Variants in UMODL1 observed in about 807,000 individuals in gnomAD.
The protein encoded by UMODL1 is uromodulin-like 1.
In UMODL1, 128 loss-of-function variants were observed where a neutral mutation model predicts 136.3. The observed-to-expected ratio is 0.94, with a 90% CI of 0.81 to 1.09. The LOEUF is 1.09. Ranked by LOEUF, UMODL1 falls within the 50% of genes least tolerant of loss-of-function variation. UMODL1 has a pLI of 0.00. For missense variants in UMODL1, 1,766 were observed against 1,725.6 expected, an observed-to-expected ratio of 1.02 and a Z score of -0.41; for synonymous variants, 721 against 720.0, an observed-to-expected ratio of 1.00 and a Z score of -0.02.
Position 42,113,786 on chromosome 21 carries a change from C to G in UMODL1, c.2318C>G (p.Ala773Gly). 2 of 1,614,004 alleles carry G rather than the reference C, an allele frequency of 1.2e-6. No homozygotes were observed. Among genetic ancestry groups the G allele is most frequent in the Non-Finnish European group, 1.7e-6 (2 of 1,180,012 alleles). ...VLHLVEIMAK[A>G]CGKEGARAHL... ...CACCTGGTTGAGATCATGGCCAAAG[C>G]ATGTGGGAAAGAAGGTGCCAGAGCT... The change falls in exon 13 of 23, where the codon GCA becomes GGA. Residue 773 changes from alanine to glycine, a missense_variant. Ala to Gly is a moderately conservative substitution (Grantham distance 60). Coordinates refer to ENST00000408910, the MANE Select transcript of UMODL1 (RefSeq NM_001004416.3).
At chr21:42,103,208 G>C (rs372413364) in intron 8 of UMODL1, 1 of 191,402 alleles carries the variant, frequency 5.2e-6, no homozygotes, top group African/African-American at 2.3e-5. Context: ...CAGTTAGTGC[G>C]TCTACTTGCA....
At chr21:42,134,424 C>T (rs966000978) in intron 21 of UMODL1, among the ~76,000 whole-genome samples, 1 of 152,104 alleles carries the variant, frequency 6.6e-6, no homozygotes, top group Non-Finnish European at 1.5e-5. Flanking sequence ...TGCTAAAAGG[C>T]CAAGAAATTT....
intron 6 of UMODL1, among the ~76,000 whole-genome samples, chr21:42,096,055 A>G (rs2066554126): frequency 6.6e-6 from 1 of 152,118 alleles, no homozygotes; most frequent in African/African-American, 2.4e-5. Context: ...TTAACTCATC[A>G]TTGTTCCCTC....
In UMODL1 at chr21:42,123,488, TG is replaced by T. The variant is rs1354601934; in HGVS notation, c.3147+339del. Among the ~76,000 whole-genome samples, 5 of 143,172 alleles carry T rather than the reference TG, an allele frequency of 3.5e-5. No homozygotes were observed. The highest frequency in any genetic ancestry group is 1.3e-4 in the African/African-American group (5 of 39,846). 93.9% of individuals were successfully genotyped at this position (143,172 alleles called of 152,430 possible). On this transcript the variant is annotated intron_variant, in intron 17 of 22. Transcript: ENST00000408910. The surrounding 1 kb of genome is among the most constrained non-coding windows in gnomAD (Gnocchi z 4.4). Reference sequence around the variant, plus strand: ...GTCCTGTGTGATATGAGAGTGTGTGTGTGTGAGTGTACGTGTGTGCATGTGT... The same window carrying T: ...GTCCTGTGTGATATGAGAGTGTGTGTTGTGAGTGTACGTGTGTGCATGTGT...
intron 4 of UMODL1, among the ~76,000 whole-genome samples, chr21:42,087,091 G>A (rs2066434724): frequency 6.6e-6 from 1 of 152,228 alleles, no homozygotes; most frequent in South Asian, 2.1e-4. Flanking sequence ...TGTGGGGCCT[G>A]AGATGTTGTG....
chr21:42,076,512 C>A (rs1471656043), intron 2 of UMODL1, among the ~76,000 whole-genome samples: 1 of 152,134 alleles, frequency 6.6e-6, no homozygotes, highest in Non-Finnish European at 1.5e-5. Context: ...CCCAGGGACC[C>A]CACTTTGAGA....
chr21:42,091,959 T>A (rs953548850), intron 6 of UMODL1, among the ~76,000 whole-genome samples: 1 of 152,184 alleles, frequency 6.6e-6, no homozygotes, highest in Non-Finnish European at 1.5e-5. Context: ...AGGCTGCAGA[T>A]GACCTGGGTA....
intron 2 of UMODL1, among the ~76,000 whole-genome samples, chr21:42,079,196 C>T (rs2066331257): frequency 6.6e-6 from 1 of 152,202 alleles, no homozygotes; most frequent in South Asian, 2.1e-4. Context: ...ACACCAGCCC[C>T]ACCCATGCCC....
chr21:42,090,458 A>G lies in UMODL1; in HGVS notation c.931+20A>G, dbSNP rs1275998063. ...GGGAAGGTAATGGCTAGGCTCTCTCAGATGGCATGGGAATGGCTTAATTCC... is the reference window on the plus strand; with the variant it reads ...GGGAAGGTAATGGCTAGGCTCTCTCGGATGGCATGGGAATGGCTTAATTCC... On this transcript the variant is annotated intron_variant, in intron 6 of 22. Transcript: ENST00000408910. The G allele has an allele frequency of 2.5e-6, 4 of 1,612,894 alleles. No individual in the cohort carries two copies. The African/African-American group carries it at 4.0e-5, about 16-fold the overall frequency.
intron 9 of UMODL1, chr21:42,108,322 C>A: frequency 1.9e-6 from 1 of 526,522 alleles, no homozygotes; most frequent in East Asian, 5.6e-5. Flanking sequence ...GAGTAGCACC[C>A]CAGGAAGAGG....
In UMODL1 at chr21:42,085,226, C is replaced by A; in HGVS notation, c.482-65C>A. On this transcript the variant is annotated intron_variant, in intron 3 of 22. Transcript: ENST00000408910. This position sits in a 1 kb window ranked among gnomAD's most constrained non-coding sequence, Gnocchi z 4.5. ...TTCCCTCTCCTGCCCCCTCTCCCAC[C>A]CCAGCAGCTTTTGTGACTTCAACCT... is the stretch of plus-strand genomic sequence containing the variant. The A allele has an allele frequency of 1.3e-6, 2 of 1,576,672 alleles. No individual in the cohort carries two copies. The highest frequency in any genetic ancestry group is 1.7e-5 in the Admixed American group (1 of 57,396).
At chr21:42,081,741 C>T (rs558280067) in intron 2 of UMODL1, among the ~76,000 whole-genome samples, 172 of 152,318 alleles carry the variant, frequency 1.1e-3, no homozygotes, top group African/African-American at 3.8e-3. Flanking sequence ...TTACAGCTCT[C>T]GGGACTACTT....
chr21:42,115,834 C>T, intron 13 of UMODL1, 39 bp from the exon 14 acceptor site: 2 of 1,475,022 alleles, frequency 1.4e-6, no homozygotes, highest in African/African-American at 1.4e-5. Flanking sequence ...TTATCTAATA[C>T]AGCACCAATT....
rs2067064812 is a variant in UMODL1 at position 42,126,997 on chromosome 21, C to T, written c.3294-9C>T. The T allele has an allele frequency of 5.0e-6, 8 of 1,610,350 alleles. No homozygotes were observed. The highest frequency in any genetic ancestry group is 6.8e-6 in the Non-Finnish European group (8 of 1,176,550). ...AAACATGCCTCCTGCAAGCTGCTTC[C>T]TCTTGCAGGGTTTACACCATCATCG... On this transcript the variant is annotated splice_polypyrimidine_tract_variant and intron_variant, in intron 18 of 22. Coordinates refer to ENST00000408910, the MANE Select transcript of UMODL1 (RefSeq NM_001004416.3).
At chr21:42,091,076 A>G (rs1309249466) in intron 6 of UMODL1, among the ~76,000 whole-genome samples, 1 of 152,144 alleles carries the variant, frequency 6.6e-6, no homozygotes, top group Non-Finnish European at 1.5e-5. Context: ...CACAGAATAC[A>G]CTTAGTTCTT....
chr21:42,094,677 G>A (rs2066532439), intron 6 of UMODL1, among the ~76,000 whole-genome samples: 1 of 152,138 alleles, frequency 6.6e-6, no homozygotes, highest in African/African-American at 2.4e-5. Flanking sequence ...AGGAGTCGGG[G>A]GTAGAAGGAA....
In UMODL1 at chr21:42,109,649, G is replaced by A; in HGVS notation, c.1607G>A (p.Cys536Tyr). Reference sequence around the variant, plus strand: ...CTGGAGGGCTCCTACACCTGCCAGTGCCGTACCACCAGGGACGCCACCCCC... The same window carrying A: ...CTGGAGGGCTCCTACACCTGCCAGTACCGTACCACCAGGGACGCCACCCCC... ...INLEGSYTCQ[C>Y]RTTRDATPSR... Residue 536 changes from cysteine to tyrosine, a missense_variant, in exon 10 of 23, where the codon TGC becomes TAC. By Grantham distance (194) the Cys-to-Tyr change is radical. Coordinates refer to ENST00000408910, the MANE Select transcript of UMODL1 (RefSeq NM_001004416.3). The A allele has an allele frequency of 1.9e-6, 3 of 1,609,310 alleles. No individual in the cohort carries two copies. Among genetic ancestry groups the A allele is most frequent in the Non-Finnish European group, 1.7e-6 (2 of 1,180,002 alleles).
intron 1 of UMODL1, among the ~76,000 whole-genome samples, chr21:42,075,141 G>A (rs459424): frequency 0.19 from 29,370 of 151,890 alleles, 3,349 homozygotes; most frequent in Non-Finnish European, 0.25. Context: ...CTCGTGATCC[G>A]CCCACCTTGG....
At position 42,123,126 on chromosome 21, in the gene UMODL1, C is replaced by T. The variant is rs764446073; in HGVS notation, c.3123C>T (p.Ser1041=). The T allele has an allele frequency of 7.4e-6, 12 of 1,613,472 alleles. No individual in the cohort carries two copies. The highest frequency in any genetic ancestry group is 1.7e-5 in the Admixed American group (1 of 59,988). ...ACGTGCTCCTGGAGGCCGGCTGGAG[C>T]GAGTGTGGGACCCTCATGCAGAGCG... The part of the protein sequence containing the change: ...GTHVLLEAGW[S]ECGTLMQSNM... Residue 1041 remains serine, a synonymous_variant, in exon 17 of 23, where the codon AGC becomes AGT. Coordinates refer to ENST00000408910, the MANE Select transcript of UMODL1 (RefSeq NM_001004416.3). This position sits in a 1 kb window ranked among gnomAD's most constrained non-coding sequence, Gnocchi z 4.4.
Sources: gnomAD v4.1 joint callset for allele counts (sites outside exome capture counted in the v4.1 genomes callset) on GRCh38, gnomAD v4.1.1 for gene constraint, Gnocchi (gnomAD v3.1) non-coding constraint, MANE v1.5 for transcripts, NCBI Gene and HGNC (gene_info 2026-07-23, HGNC 2026-07-21) for gene names.